The following MATN2 variants were observed in gnomAD, a reference collection of about 807,000 sequenced individuals.
MATN2 encodes the protein matrilin 2.
Under a neutral mutation model 103.2 loss-of-function variants are expected in MATN2, and 69 were observed. That is an observed-to-expected ratio of 0.67 (90% CI 0.55 to 0.82). The LOEUF (loss-of-function observed/expected upper bound fraction) is 0.82. MATN2 is among the 40% of genes least tolerant of loss of function. MATN2 has a pLI of 0.00. For synonymous variants in MATN2, 429 were observed against 450.2 expected, an observed-to-expected ratio of 0.95 and a Z score of 0.60; for missense variants, 1,023 against 1,211.5, an observed-to-expected ratio of 0.84 and a Z score of 2.31.
chr8:97,921,277 G>A (rs1051430152), intron 2 of MATN2, among the ~76,000 whole-genome samples: 4 of 152,202 alleles, frequency 2.6e-5, no homozygotes, highest in Non-Finnish European at 5.9e-5. Context: ...TTCACAATAT[G>A]TCTTAGACCC....
At chr8:97,886,032 A>G (rs1286763305) in intron 1 of MATN2, among the ~76,000 whole-genome samples, 2 of 152,172 alleles carry the variant, frequency 1.3e-5, no homozygotes, top group African/African-American at 4.8e-5. Flanking sequence ...CAGCACCGTT[A>G]GATCCATTAG....
chr8:97,953,620 C>T (rs1346394080), intron 4 of MATN2, among the ~76,000 whole-genome samples: 1 of 152,152 alleles, frequency 6.6e-6, no homozygotes, highest in Admixed American at 6.5e-5. Context: ...AACCCTGTCT[C>T]TACTTAAAAT....
chr8:98,027,724 G>A lies in MATN2; in HGVS notation c.2251G>A (p.Gly751Arg). The A allele has an allele frequency of 6.2e-7, 1 of 1,613,968 alleles. No individual in the cohort carries two copies. Among genetic ancestry groups the A allele is most frequent in the Non-Finnish European group, 8.5e-7 (1 of 1,179,886 alleles). Residue 751 changes from glycine (G) to arginine (R), a missense_variant, in exon 14 of 19, where the codon GGG becomes AGG. Transcript: ENST00000254898. ...TGAGAGAAGTTTTACCCAAGGAGAA[G>A]GGGCCAGGCCCCTTTCCACAAGGGT... is the stretch of plus-strand genomic sequence containing the variant. The part of the protein sequence containing the change: ...MFERSFTQGE[G>R]ARPLSTRVPR...
At chr8:97,961,331 C>T in intron 4 of MATN2, 77 bp from the exon 5 acceptor site, 1 of 1,443,244 alleles carries the variant, frequency 6.9e-7, no homozygotes, top group Non-Finnish European at 9.3e-7. Flanking sequence ...TCTGGAGTTC[C>T]CTGTTGCCTC....
intron 4 of MATN2, among the ~76,000 whole-genome samples, chr8:97,959,195 T>G (rs1811231267): frequency 1.3e-5 from 2 of 152,196 alleles, no homozygotes; most frequent in South Asian, 4.1e-4. Context: ...AGTTTGTTCT[T>G]CAGGACCTTT....
chr8:97,983,628 G>A lies in MATN2; in HGVS notation c.1081+4620G>A, dbSNP rs566539616. Among the ~76,000 whole-genome samples, 5 of 152,168 alleles carry A rather than the reference G, an allele frequency of 3.3e-5. No individual in the cohort carries two copies. The East Asian group carries it at 7.7e-4, about 23-fold the overall frequency. On this transcript the variant is annotated intron_variant, in intron 6 of 18. Coordinates refer to ENST00000254898, the MANE Select transcript of MATN2 (RefSeq NM_002380.5). ...TGTAAGGATGAATAAAGGCAATTGC[G>A]GACACCATCTTTTGCATGTTGCCAT...
intron 2 of MATN2, among the ~76,000 whole-genome samples, chr8:97,915,502 C>CT (rs1809593041): frequency 6.6e-6 from 1 of 152,220 alleles, no homozygotes; most frequent in Non-Finnish European, 1.5e-5. Flanking sequence ...GCTGTGGAAC[C>CT]TTGTGCCCTG....
chr8:97,976,569 T>C (rs2130303861), intron 5 of MATN2, among the ~76,000 whole-genome samples: 1 of 152,334 alleles, frequency 6.6e-6, no homozygotes, highest in South Asian at 2.1e-4. Flanking sequence ...TTTACATATG[T>C]ATTACTTTTG....
chr8:97,919,358 G>A (rs561298975), intron 2 of MATN2, among the ~76,000 whole-genome samples: 13 of 152,060 alleles, frequency 8.5e-5, no homozygotes, highest in Non-Finnish European at 1.6e-4. Context: ...TCAGCCTCCC[G>A]AGTAGCTGGG....
intron 7 of MATN2, among the ~76,000 whole-genome samples, chr8:98,001,424 G>C (rs80151144): frequency 0.02 from 3,009 of 151,384 alleles, 103 homozygotes; most frequent in African/African-American, 0.069. Context: ...AGAAAGGACA[G>C]AGAGCAGAGA....
chr8:98,033,616 C>A lies in MATN2; in HGVS notation c.2772C>A (p.Phe924Leu). Reference sequence around the variant, plus strand: ...GCAAATGTGAAAACCTTATAATGTTCCAGAACCTTGCAAACGAAGAAGTAA... The same window carrying A: ...GCAAATGTGAAAACCTTATAATGTTACAGAACCTTGCAAACGAAGAAGTAA... ...DQCKCENLIM[F>L]QNLANEEVRK... Residue 924 changes from phenylalanine to leucine, a missense_variant, in exon 18 of 19, where the codon TTC becomes TTA. Phe to Leu is a conservative substitution (Grantham distance 22). Transcript: ENST00000254898. 1 of 1,608,136 alleles carries A rather than the reference C, an allele frequency of 6.2e-7. No individual in the cohort carries two copies. The highest frequency in any genetic ancestry group is 8.5e-7 in the Non-Finnish European group (1 of 1,177,194).
chr8:98,003,879 C>T (rs372090676), intron 8 of MATN2, 96 bp downstream of exon 8: 27 of 1,437,558 alleles, frequency 1.9e-5, no homozygotes, highest in Middle Eastern at 2.2e-4. Flanking sequence ...TGGAGCCCAC[C>T]GGGTTTCCTG....
At chr8:97,985,561 T>C (rs1233493910) in intron 6 of MATN2, among the ~76,000 whole-genome samples, 1 of 152,244 alleles carries the variant, frequency 6.6e-6, no homozygotes, top group African/African-American at 2.4e-5. Flanking sequence ...CCGTTTTCCA[T>C]GGCAACTAGT....
At position 98,000,979 on chromosome 8, in the gene MATN2, A is replaced by C. The variant is rs529866088; in HGVS notation, c.1205-2682A>C. ...TTGAGCTGATCGTGAAGGAAGATAGAGGTTAGCCAGTGCAGCAAGGAGCCA... is the reference window on the plus strand; with the variant it reads ...TTGAGCTGATCGTGAAGGAAGATAGCGGTTAGCCAGTGCAGCAAGGAGCCA... On this transcript the variant is annotated intron_variant, in intron 7 of 18. Coordinates refer to ENST00000254898, the MANE Select transcript of MATN2 (RefSeq NM_002380.5). 2.0e-5 allele frequency among the ~76,000 whole-genome samples: 3 copies of C among 152,338 alleles called. No homozygotes were observed. In the East Asian group the frequency reaches 5.8e-4, roughly 29 times the overall value.
chr8:98,003,210 G>A (rs1812844829), intron 7 of MATN2, among the ~76,000 whole-genome samples: 1 of 152,024 alleles, frequency 6.6e-6, no homozygotes, highest in African/African-American at 2.4e-5. Context: ...TGTGTTTTTT[G>A]TCTCCTCACC....
chr8:97,898,264 C>T (rs1476857505), intron 2 of MATN2, among the ~76,000 whole-genome samples: 1 of 152,144 alleles, frequency 6.6e-6, no homozygotes, highest in African/African-American at 2.4e-5. Context: ...CCAGTCCTGT[C>T]CTTCGTCTCT....
At chr8:98,012,258 C>T (rs1354983106) in intron 10 of MATN2, among the ~76,000 whole-genome samples, 1 of 152,046 alleles carries the variant, frequency 6.6e-6, no homozygotes, top group Non-Finnish European at 1.5e-5. Flanking sequence ...TCGGTTTGTG[C>T]CCTGACAGTG....
At chr8:97,871,034 G>A (rs975721541) in intron 1 of MATN2, among the ~76,000 whole-genome samples, 2 of 152,164 alleles carry the variant, frequency 1.3e-5, no homozygotes, top group African/African-American at 4.8e-5. Flanking sequence ...GGCAACCCAG[G>A]GCCACCAAGG....
At chr8:97,930,740 A>T (rs1013809056) in intron 2 of MATN2, among the ~76,000 whole-genome samples, 4 of 152,056 alleles carry the variant, frequency 2.6e-5, no homozygotes, top group African/African-American at 7.2e-5. Flanking sequence ...CTCCTACCTC[A>T]GCCTCTCGAG....
Sources: gnomAD v4.1 joint callset for allele counts (sites outside exome capture counted in the v4.1 genomes callset) on GRCh38, gnomAD v4.1.1 for gene constraint, MANE v1.5 for transcripts, NCBI Gene and HGNC (gene_info 2026-07-23, HGNC 2026-07-21) for gene names.